IDE: variants seen among roughly 807,000 people sequenced by gnomAD.
IDE encodes the protein insulin degrading enzyme, also known as insulin-degrading enzyme.
Under a neutral mutation model 133.2 loss-of-function variants are expected in IDE, and 58 were observed. The observed-to-expected ratio is 0.44, with a 90% CI of 0.35 to 0.54. The LOEUF (loss-of-function observed/expected upper bound fraction) is 0.54, where lower values mean the gene tolerates loss of function less well. Ranked by LOEUF, IDE falls within the 20% of genes least tolerant of loss-of-function variation. IDE has a pLI of 0.00. For synonymous variants in IDE, 396 were observed against 421.3 expected (o/e 0.94, Z 0.73); for missense variants, 981 against 1,234.0 (o/e 0.79, Z 3.07).
chr10:92,572,386 T>C (rs1443225831), intron 1 of IDE, among the ~76,000 whole-genome samples: 1 of 152,188 alleles, frequency 6.6e-6, no homozygotes, highest in Admixed American at 6.5e-5. Context: ...TGTGATGTAG[T>C]GGAAAACAGA....
At chr10:92,519,042 A>G (rs1849074984) in intron 4 of IDE, among the ~76,000 whole-genome samples, 1 of 152,176 alleles carries the variant, frequency 6.6e-6, no homozygotes, top group Admixed American at 6.5e-5. Context: ...ATAAATCTGT[A>G]AAAATACTGA....
intron 1 of IDE, among the ~76,000 whole-genome samples, chr10:92,537,864 G>T (rs909918610): frequency 6.6e-6 from 1 of 151,956 alleles, no homozygotes; most frequent in African/African-American, 2.4e-5. Context: ...TTTTTTGCTG[G>T]TTTTGTTTTT....
At chr10:92,500,898 G>C (rs1176538109) in intron 11 of IDE, among the ~76,000 whole-genome samples, 1 of 151,880 alleles carries the variant, frequency 6.6e-6, no homozygotes, top group African/African-American at 2.4e-5. Context: ...AAAATTAGCT[G>C]GGCGTGGTGG....
chr10:92,489,984 T>A (rs915755102), intron 12 of IDE, among the ~76,000 whole-genome samples: 1 of 152,214 alleles, frequency 6.6e-6, no homozygotes, highest in Non-Finnish European at 1.5e-5. Flanking sequence ...TACTGATGAA[T>A]GGGACAAAAT....
chr10:92,521,308 C>T (rs1849214106), intron 4 of IDE, among the ~76,000 whole-genome samples: 1 of 151,558 alleles, frequency 6.6e-6, no homozygotes, highest in Non-Finnish European at 1.5e-5. Context: ...AAGTCAAACA[C>T]AAATTTGATC....
intron 5 of IDE, among the ~76,000 whole-genome samples, chr10:92,513,649 A>G (rs1264153507): frequency 1.3e-5 from 2 of 149,472 alleles, no homozygotes; most frequent in African/African-American, 4.9e-5. Flanking sequence ...TATATATAAT[A>G]TACATATATT....
chr10:92,477,643 C>G (rs1846348199), intron 15 of IDE, among the ~76,000 whole-genome samples: 1 of 152,194 alleles, frequency 6.6e-6, no homozygotes, highest in African/African-American at 2.4e-5. Flanking sequence ...GGAGGGAAGG[C>G]CACTGGCCAC....
At chr10:92,530,163 T>C (rs1849838504) in intron 4 of IDE, among the ~76,000 whole-genome samples, 1 of 151,902 alleles carries the variant, frequency 6.6e-6, no homozygotes, top group African/African-American at 2.4e-5. Flanking sequence ...GAGGCAGAGG[T>C]TGTAGCGAGC....
At chr10:92,559,737 AT>A (rs67531776) in intron 1 of IDE, among the ~76,000 whole-genome samples, 30,791 of 134,000 alleles carry the variant, frequency 0.23, 3,126 homozygotes, top group Middle Eastern at 0.31. Flanking sequence ...TGAATGGTAT[AT>A]TTTTTTTTTT....
chr10:92,543,657 G>A (rs1842411134), intron 1 of IDE, among the ~76,000 whole-genome samples: 1 of 152,198 alleles, frequency 6.6e-6, no homozygotes, highest in South Asian at 2.1e-4. Context: ...TAGGGTGGTT[G>A]CAATTTAAAG....
intron 11 of IDE, among the ~76,000 whole-genome samples, chr10:92,493,417 G>A (rs1242395015): frequency 2.0e-5 from 3 of 147,238 alleles, no homozygotes; most frequent in Non-Finnish European, 3.0e-5. Flanking sequence ...TTAGAGACAG[G>A]GTCTCACTCT....
At chr10:92,471,272 A>G (rs1438386773) in intron 17 of IDE, among the ~76,000 whole-genome samples, 1 of 152,220 alleles carries the variant, frequency 6.6e-6, no homozygotes, top group African/African-American at 2.4e-5. Context: ...TAACTGCTAC[A>G]TGCAAGATCT....
intron 5 of IDE, among the ~76,000 whole-genome samples, chr10:92,511,555 A>T (rs970278437): frequency 2.6e-5 from 4 of 152,204 alleles, no homozygotes; most frequent in African/African-American, 9.6e-5. Context: ...TCTATGACCC[A>T]TTTGGAACTT....
At chr10:92,515,749 G>A (rs1463841515) in intron 4 of IDE, among the ~76,000 whole-genome samples, 2 of 149,224 alleles carry the variant, frequency 1.3e-5, no homozygotes, top group East Asian at 4.1e-4. Context: ...TAGTAGAGAT[G>A]GGGTTTCTCC....
chr10:92,467,726 A>T (rs1466291311), intron 19 of IDE, among the ~76,000 whole-genome samples: 2 of 152,216 alleles, frequency 1.3e-5, no homozygotes, highest in African/African-American at 4.8e-5. Context: ...TTGTAGTGGG[A>T]TCAGCACATC....
chr10:92,539,537 G>A (rs376478766), intron 1 of IDE, among the ~76,000 whole-genome samples: 9 of 152,106 alleles, frequency 5.9e-5, no homozygotes, highest in East Asian at 5.8e-4. Flanking sequence ...AGGCTGAGAC[G>A]GGCGGATCAC....
At chr10:92,509,343 C>T (rs1848464312) in intron 6 of IDE, among the ~76,000 whole-genome samples, 4 of 151,842 alleles carry the variant, frequency 2.6e-5, no homozygotes, top group South Asian at 2.1e-4. Flanking sequence ...CTATAATCCT[C>T]GCACTTTGGG....
At chr10:92,514,545 G>C (rs542944212) in intron 5 of IDE, among the ~76,000 whole-genome samples, 4 of 152,002 alleles carry the variant, frequency 2.6e-5, no homozygotes, top group Non-Finnish European at 5.9e-5. Flanking sequence ...GGGCTCAAGC[G>C]ATCTTCAGCC....
At chr10:92,480,301 C>T (rs570822750) in intron 14 of IDE, among the ~76,000 whole-genome samples, 10 of 152,340 alleles carry the variant, frequency 6.6e-5, no homozygotes, top group African/African-American at 2.4e-4. Flanking sequence ...ATGCTTACTA[C>T]AGTGCCAGGC....
Sources: gnomAD v4.1 joint callset for allele counts (sites outside exome capture counted in the v4.1 genomes callset) on GRCh38, gnomAD v4.1.1 for gene constraint, MANE v1.5 for transcripts, NCBI Gene and HGNC (gene_info 2026-07-23, HGNC 2026-07-21) for gene names.